Variants in MGAT4C observed in about 807,000 individuals in gnomAD.
MGAT4C encodes the protein alpha-1,3-mannosyl-glycoprotein 4-beta-N-acetylglucosaminyltransferase C.
A neutral mutation model predicts 40.1 loss-of-function variants in MGAT4C; 19 were observed. That is an observed-to-expected ratio of 0.47 (90% CI 0.33 to 0.70). The LOEUF is 0.70. MGAT4C is among the 30% of genes least tolerant of loss of function. MGAT4C has a pLI of 0.02. For synonymous variants in MGAT4C, 181 were observed against 187.1 expected (o/e 0.97, Z 0.27); for missense variants, 491 against 563.2 (o/e 0.87, Z 1.30).
intron 2 of MGAT4C, among the ~76,000 whole-genome samples, chr12:86,606,801 A>G (rs2136468558): frequency 6.6e-6 from 1 of 152,084 alleles, no homozygotes; most frequent in Non-Finnish European, 1.5e-5. Flanking sequence ...CTAAATCTCT[A>G]CTCTCTTGGA....
At chr12:86,326,803 T>C (rs1258172450) in intron 4 of MGAT4C, among the ~76,000 whole-genome samples, 1 of 152,076 alleles carries the variant, frequency 6.6e-6, no homozygotes, top group African/African-American at 2.4e-5. Flanking sequence ...AGTTAATAAA[T>C]AATTAAAGGC....
intron 1 of MGAT4C, among the ~76,000 whole-genome samples, chr12:86,195,170 C>A (rs1211546451): frequency 1.3e-5 from 2 of 152,188 alleles, no homozygotes; most frequent in Non-Finnish European, 2.9e-5. Flanking sequence ...GGACCCTTTA[C>A]ATAAATAAGC....
intron 1 of MGAT4C, among the ~76,000 whole-genome samples, chr12:86,219,952 C>T (rs1393185800): frequency 6.6e-6 from 1 of 152,080 alleles, no homozygotes; most frequent in Non-Finnish European, 1.5e-5. Flanking sequence ...TCATGTCCTG[C>T]CAACTGATGA....
intron 2 of MGAT4C, among the ~76,000 whole-genome samples, chr12:86,684,731 G>A (rs913480465): frequency 6.6e-5 from 10 of 151,554 alleles, no homozygotes; most frequent in Non-Finnish European, 1.5e-4. Context: ...ATTCTAACTG[G>A]CATGAGATGG....
chr12:86,134,761 G>C (rs1157024714), intron 1 of MGAT4C, among the ~76,000 whole-genome samples: 3 of 152,124 alleles, frequency 2.0e-5, no homozygotes, highest in African/African-American at 7.2e-5. Context: ...CATTATTCAT[G>C]AGTGACTAAT....
chr12:86,726,688 G>A (rs762912758), intron 2 of MGAT4C, among the ~76,000 whole-genome samples: 1 of 151,828 alleles, frequency 6.6e-6, no homozygotes, highest in Admixed American at 6.6e-5. Context: ...TGTTTAATAT[G>A]CATGCAACAT....
intron 2 of MGAT4C, among the ~76,000 whole-genome samples, chr12:86,566,710 A>T (rs558314002): frequency 1.1e-4 from 15 of 142,830 alleles, no homozygotes; most frequent in African/African-American, 3.8e-4. Flanking sequence ...TTATATATGT[A>T]TTATATGTAT....
At chr12:86,504,084 G>A (rs4351884) in intron 2 of MGAT4C, among the ~76,000 whole-genome samples, 137,378 of 151,778 alleles carry the variant, frequency 0.91, 62,323 homozygotes, top group East Asian at 1. Context: ...GCTCAAATTC[G>A]ATAGTCATCA....
intron 2 of MGAT4C, among the ~76,000 whole-genome samples, chr12:86,011,315 A>G (rs1288551550): frequency 1.3e-5 from 2 of 152,238 alleles, no homozygotes; most frequent in Admixed American, 6.5e-5. Context: ...CACTTCACAA[A>G]CACAGTGAAG....
chr12:86,363,027 C>G (rs1955516134), intron 3 of MGAT4C, among the ~76,000 whole-genome samples: 1 of 151,996 alleles, frequency 6.6e-6, no homozygotes, highest in African/African-American at 2.4e-5. Flanking sequence ...ATGGATCTAA[C>G]AACAGAACTT....
At chr12:86,125,871 T>G (rs1397953554) in intron 1 of MGAT4C, among the ~76,000 whole-genome samples, 1 of 152,084 alleles carries the variant, frequency 6.6e-6, no homozygotes, top group South Asian at 2.1e-4. Context: ...AAAGACATTT[T>G]ATATGAGTCT....
chr12:86,166,348 C>T (rs754837626), intron 1 of MGAT4C, among the ~76,000 whole-genome samples: 4 of 152,084 alleles, frequency 2.6e-5, no homozygotes, highest in Non-Finnish European at 5.9e-5. Flanking sequence ...AAACAAACAA[C>T]AACAACAACT....
intron 2 of MGAT4C, among the ~76,000 whole-genome samples, chr12:86,695,761 T>G (rs979576026): frequency 2.6e-5 from 4 of 151,962 alleles, no homozygotes; most frequent in African/African-American, 7.3e-5. Context: ...GAATGATGGT[T>G]ACCAGAGGCT....
chr12:86,067,585 G>A (rs911929278), intron 1 of MGAT4C, among the ~76,000 whole-genome samples: 12 of 151,940 alleles, frequency 7.9e-5, no homozygotes, highest in Admixed American at 4.6e-4. Flanking sequence ...GAGGAGTAGC[G>A]TTAGGAGAAA....
intron 2 of MGAT4C, among the ~76,000 whole-genome samples, chr12:86,650,273 G>A (rs1053209501): frequency 2.6e-5 from 4 of 151,854 alleles, no homozygotes; most frequent in African/African-American, 4.8e-5. Context: ...AATAAGCTTA[G>A]AGTTCTACCA....
At chr12:86,024,388 G>T (rs1328401476) in intron 2 of MGAT4C, among the ~76,000 whole-genome samples, 1 of 151,418 alleles carries the variant, frequency 6.6e-6, no homozygotes, top group East Asian at 1.9e-4. Flanking sequence ...TCAAAATTAT[G>T]CAAAAAATAT....
chr12:86,234,081 G>T (rs919760042), intron 1 of MGAT4C, among the ~76,000 whole-genome samples: 1 of 151,986 alleles, frequency 6.6e-6, no homozygotes, highest in Non-Finnish European at 1.5e-5. Flanking sequence ...CAATAAAAAG[G>T]CATGAAAATG....
chr12:86,246,312 A>G (rs1277771682), intron 1 of MGAT4C, among the ~76,000 whole-genome samples: 1 of 150,908 alleles, frequency 6.6e-6, no homozygotes, highest in Non-Finnish European at 1.5e-5. Context: ...CAGCCTCCGG[A>G]GTAGCTGGGA....
intron 2 of MGAT4C, among the ~76,000 whole-genome samples, chr12:86,493,304 C>T (rs1372965673): frequency 6.6e-6 from 1 of 151,770 alleles, no homozygotes; most frequent in Non-Finnish European, 1.5e-5. Context: ...TGGGTATATA[C>T]CCAAAGGACT....
Sources: gnomAD v4.1 joint callset for allele counts (sites outside exome capture counted in the v4.1 genomes callset) on GRCh38, gnomAD v4.1.1 for gene constraint, MANE v1.5 for transcripts, NCBI Gene and HGNC (gene_info 2026-07-23, HGNC 2026-07-21) for gene names.